The following CLN8 variants were observed in gnomAD, a reference collection of about 807,000 sequenced individuals.
CLN8 encodes the protein CLN8 transmembrane ER and ERGIC protein.
A neutral mutation model predicts 15.7 loss-of-function variants in CLN8; 14 were observed. The observed-to-expected ratio is 0.89, with a 90% confidence interval of 0.59 to 1.39. The LOEUF (loss-of-function observed/expected upper bound fraction) is 1.39. Ranked by LOEUF, CLN8 falls within the 40% of genes most tolerant of loss-of-function variation. The pLI, the probability that CLN8 is intolerant of heterozygous loss-of-function variation, is 0.00. For missense variants in CLN8, 415 were observed against 364.0 expected, an observed-to-expected ratio of 1.14 and a Z score of -1.14; for synonymous variants, 188 against 151.0, an observed-to-expected ratio of 1.25 and a Z score of -1.80.
At chr8:1,775,441 C>G (rs906572223) in intron 2 of CLN8, among the ~76,000 whole-genome samples, 3 of 152,158 alleles carry the variant, frequency 2.0e-5, no homozygotes, top group Admixed American at 6.5e-5. Flanking sequence ...GATTTTGTTC[C>G]TGTAGATTTT....
At chr8:1,768,814 C>A (rs191825060) in intron 1 of CLN8, among the ~76,000 whole-genome samples, 2 of 152,312 alleles carry the variant, frequency 1.3e-5, no homozygotes, top group Non-Finnish European at 2.9e-5. Context: ...GCCGAGTGCT[C>A]TTGCCAGCCC....
At chr8:1,758,090 T>G (rs1800713205) in intron 1 of CLN8, 1 of 152,046 alleles carries the variant, frequency 6.6e-6, no homozygotes, top group African/African-American at 2.4e-5. Flanking sequence ...ATATCCCGAG[T>G]GTCCCGCATG....
At chr8:1,767,111 G>A (rs1220665697) in intron 1 of CLN8, among the ~76,000 whole-genome samples, 1 of 152,206 alleles carries the variant, frequency 6.6e-6, no homozygotes, top group African/African-American at 2.4e-5. Context: ...GAGAGCTGAG[G>A]AGTTCACCTC....
At chr8:1,778,423 G>C (rs932798020) in intron 2 of CLN8, among the ~76,000 whole-genome samples, 1 of 152,176 alleles carries the variant, frequency 6.6e-6, no homozygotes, top group African/African-American at 2.4e-5. Context: ...TGGTCTGTGG[G>C]TTTCTCCCCT....
chr8:1,778,430 C>T (rs985607580), intron 2 of CLN8, among the ~76,000 whole-genome samples: 16 of 152,226 alleles, frequency 1.1e-4, no homozygotes, highest in Non-Finnish European at 2.1e-4. Flanking sequence ...TGGGTTTCTC[C>T]CCTGTCCCAT....
At chr8:1,755,624 G>A (rs7831289), upstream of CLN8, among the ~76,000 whole-genome samples, 2,244 of 152,280 alleles carry the variant, frequency 0.015, 55 homozygotes, top group African/African-American at 0.052. Context: ...TGCCCAGAGG[G>A]CTGGGGGTTG....
upstream of CLN8, chr8:1,761,858 T>C (rs1800805108): frequency 6.6e-6 from 1 of 152,234 alleles, no homozygotes; most frequent in Non-Finnish European, 1.5e-5. Flanking sequence ...TGTTAGGTTT[T>C]TCAATAGTGA....
intron 1 of CLN8, among the ~76,000 whole-genome samples, chr8:1,765,576 G>T (rs1451634843): frequency 6.6e-6 from 1 of 152,106 alleles, no homozygotes; most frequent in Non-Finnish European, 1.5e-5. Flanking sequence ...AATAGCTCTT[G>T]TCAGGTTATA....
upstream of CLN8, chr8:1,758,864 G>C (rs1341411875): frequency 6.6e-6 from 1 of 152,188 alleles, no homozygotes; most frequent in African/African-American, 2.4e-5. Flanking sequence ...ACCTAAAAGA[G>C]GTGCCAGACT....
upstream of CLN8, chr8:1,759,448 G>C (rs1800741910): frequency 6.6e-6 from 1 of 152,184 alleles, no homozygotes; most frequent in Non-Finnish European, 1.5e-5. Context: ...GGGGGTTCTT[G>C]CTAGAACCAC....
chr8:1,753,434 G>C (rs1440467855), upstream of CLN8, among the ~76,000 whole-genome samples: 3 of 151,934 alleles, frequency 2.0e-5, no homozygotes, highest in East Asian at 5.8e-4. Context: ...AGCCAGGCAT[G>C]GTGGCAGGCA....
rs565289128 is a variant in CLN8, at chr8:1,782,734, C to A, written c.*2167C>A. ...TTCCTCTCTCTCAAAATAAACTAAC[C>A]TATTCATATTGCTGTGAATGCTTTA... is the stretch of plus-strand genomic sequence containing the variant. On this transcript the variant is annotated 3_prime_UTR_variant, in exon 3 of 3. Coordinates refer to ENST00000331222, the MANE Select transcript of CLN8 (RefSeq NM_018941.4). 35 of 152,212 alleles carry A rather than the reference C, an allele frequency of 2.3e-4. No homozygotes were observed. The highest frequency in any genetic ancestry group is 2.3e-3 in the Admixed American group (35 of 15,284). 9.4% of individuals were successfully genotyped at this position (152,212 alleles called of 1,614,324 possible). A position where few individuals can be genotyped will look rare whatever the true frequency, so the allele number is the denominator to read the frequency against.
Position 1,765,416 on chromosome 8 carries a change from G to A in CLN8, c.-124+1531G>A, listed in dbSNP as rs191104637. Reference sequence around the variant, plus strand: ...TGATGGTGCTTGGAGCTGTGTAAGAGGATTGTAAATTTTTATTTTTGTATT... The same window carrying A: ...TGATGGTGCTTGGAGCTGTGTAAGAAGATTGTAAATTTTTATTTTTGTATT... On this transcript the variant is annotated intron_variant, in intron 1 of 2. Coordinates refer to ENST00000331222, the MANE Select transcript of CLN8 (RefSeq NM_018941.4). Among the ~76,000 whole-genome samples the A allele has an allele frequency of 2.0e-3, 301 of 152,180 alleles. 5 individuals are homozygous for A. Among genetic ancestry groups the A allele is most frequent in the Admixed American group, 0.015 (227 of 15,294 alleles).
chr8:1,756,113 T>A (rs1800663589), intron 1 of CLN8: 1 of 152,204 alleles, frequency 6.6e-6, no homozygotes, highest in Non-Finnish European at 1.5e-5. Context: ...GTTTAACAAA[T>A]ACACCACTTC....
intron 2 of CLN8, among the ~76,000 whole-genome samples, chr8:1,777,080 C>A (rs1050321811): frequency 6.6e-6 from 1 of 152,126 alleles, no homozygotes; most frequent in African/African-American, 2.4e-5. Context: ...CATAGAGTAC[C>A]TTTCTACATG....
intron 2 of CLN8, among the ~76,000 whole-genome samples, chr8:1,775,216 T>C (rs933892832): frequency 6.6e-6 from 1 of 152,164 alleles, no homozygotes; most frequent in African/African-American, 2.4e-5. Context: ...TATTAGGTAT[T>C]ATAAGTAATC....
chr8:1,779,965 G>A, intron 2 of CLN8: 2 of 985,450 alleles, frequency 2.0e-6, no homozygotes, highest in Non-Finnish European at 2.4e-6. Context: ...AAGAAAGGTT[G>A]AATTTATCAT....
chr8:1,778,525 G>C (rs1801600715), intron 2 of CLN8, among the ~76,000 whole-genome samples: 1 of 152,196 alleles, frequency 6.6e-6, no homozygotes, highest in African/African-American at 2.4e-5. Flanking sequence ...GCAATGCTGA[G>C]TGCGGTGAAG....
chr8:1,765,411 T>C (rs780443929), intron 1 of CLN8, among the ~76,000 whole-genome samples: 3 of 152,264 alleles, frequency 2.0e-5, no homozygotes, highest in Non-Finnish European at 4.4e-5. Flanking sequence ...TGGAGCTGTG[T>C]AAGAGGATTG....
Sources: gnomAD v4.1 joint callset for allele counts (sites outside exome capture counted in the v4.1 genomes callset) on GRCh38, gnomAD v4.1.1 for gene constraint, MANE v1.5 for transcripts, NCBI Gene and HGNC (gene_info 2026-07-23, HGNC 2026-07-21) for gene names.